FGF12: variants seen among roughly 807,000 people sequenced by gnomAD.
FGF12 encodes fibroblast growth factor 12B.
FGF12 carries 14 observed loss-of-function variants against 23.6 expected under a neutral mutation model. The ratio of observed to expected loss-of-function variants is 0.59; its 90% CI spans 0.39 to 0.93. The LOEUF is 0.93. Ranked by LOEUF, FGF12 falls within the 40% of genes least tolerant of loss-of-function variation. The probability of loss-of-function intolerance (pLI) is 0.00; values close to 1 mark genes in which losing one functional copy is unlikely to be tolerated. For synonymous variants in FGF12, 62 were observed against 77.3 expected, an observed-to-expected ratio of 0.80 and a Z score of 1.04; for missense variants, 175 against 217.8, an observed-to-expected ratio of 0.80 and a Z score of 1.24.
intron 4 of FGF12, among the ~76,000 whole-genome samples, chr3:192,190,251 T>C (rs1051974738): frequency 1.3e-5 from 2 of 152,142 alleles, no homozygotes; most frequent in African/African-American, 4.8e-5. Flanking sequence ...AAACACCTTT[T>C]ATAAATTGCA....
chr3:192,720,524 G>A (rs746993006), intron 2 of FGF12, among the ~76,000 whole-genome samples: 13 of 152,258 alleles, frequency 8.5e-5, no homozygotes, highest in East Asian at 5.8e-4. Flanking sequence ...AAATCCTACC[G>A]TGCTCTGCAT....
intron 2 of FGF12, among the ~76,000 whole-genome samples, chr3:192,403,007 A>C (rs914429550): frequency 3.3e-5 from 5 of 152,202 alleles, no homozygotes; most frequent in African/African-American, 1.2e-4. Context: ...CATACAATCT[A>C]TAATAATTCT....
intron 2 of FGF12, among the ~76,000 whole-genome samples, chr3:192,610,036 T>C (rs1268554684): frequency 6.6e-6 from 1 of 152,070 alleles, no homozygotes; most frequent in African/African-American, 2.4e-5. Context: ...TTTAAATACA[T>C]CCATGATCAT....
At chr3:192,405,352 G>A (rs1303116614) in intron 2 of FGF12, among the ~76,000 whole-genome samples, 3 of 151,178 alleles carry the variant, frequency 2.0e-5, no homozygotes, top group Admixed American at 2.0e-4. Flanking sequence ...AAAAGAGAAG[G>A]AGAGATACTC....
In FGF12 at chr3:192,160,391, G is replaced by A. The variant is rs183811886; in HGVS notation, c.427+10067C>T. Among the ~76,000 whole-genome samples, 27 of 152,076 alleles carry A rather than the reference G, an allele frequency of 1.8e-4. No individual in the cohort carries two copies. The East Asian group carries it at 4.4e-3, about 25-fold the overall frequency. ...TTCTTGCTCATTATTAGGCATCCTCGGAGTCTATAAAAGCCTTTGGAATCT... is the reference window on the plus strand; with the variant it reads ...TTCTTGCTCATTATTAGGCATCCTCAGAGTCTATAAAAGCCTTTGGAATCT... On this transcript the variant is annotated intron_variant, in intron 5 of 5. Transcript: ENST00000445105.
chr3:192,432,282 A>T (rs975933615), intron 2 of FGF12, among the ~76,000 whole-genome samples: 1 of 152,320 alleles, frequency 6.6e-6, no homozygotes. Context: ...ACCAAATACA[A>T]TCTTGTTCAA....
At chr3:192,365,504 C>G (rs1440438535) in intron 2 of FGF12, among the ~76,000 whole-genome samples, 1 of 151,870 alleles carries the variant, frequency 6.6e-6, no homozygotes, top group South Asian at 2.1e-4. Context: ...TTAATGTAAG[C>G]TGTTACTATG....
intron 4 of FGF12, among the ~76,000 whole-genome samples, chr3:192,203,845 C>T (rs757708570): frequency 2.6e-5 from 4 of 152,038 alleles, no homozygotes; most frequent in Non-Finnish European, 5.9e-5. Context: ...CTTAAAAAAT[C>T]CTCCTGCTTT....
chr3:192,403,290 GT>G (rs1466464082), intron 2 of FGF12, among the ~76,000 whole-genome samples: 2 of 151,946 alleles, frequency 1.3e-5, no homozygotes, highest in Admixed American at 6.5e-5. Context: ...CCTATAAATT[GT>G]TTTTCTACTT....
chr3:192,240,748 C>T (rs1218230578), intron 4 of FGF12, among the ~76,000 whole-genome samples: 1 of 152,108 alleles, frequency 6.6e-6, no homozygotes, highest in Non-Finnish European at 1.5e-5. Flanking sequence ...TATCTCCCCC[C>T]AATTTCTCAG....
intron 2 of FGF12, among the ~76,000 whole-genome samples, chr3:192,449,084 C>T (rs780985262): frequency 2.6e-5 from 4 of 152,186 alleles, no homozygotes; most frequent in Admixed American, 2.6e-4. Flanking sequence ...CCGATACCTG[C>T]GGGGATCTGT....
At chr3:192,327,591 C>T (rs1473717225) in intron 4 of FGF12, among the ~76,000 whole-genome samples, 1 of 150,828 alleles carries the variant, frequency 6.6e-6, no homozygotes, top group Non-Finnish European at 1.5e-5. Context: ...ACATTATAAC[C>T]AATATTAACC....
In FGF12 at chr3:192,367,820, T is replaced by A. The variant is rs577810780; in HGVS notation, c.14-7282A>T. 2.6e-5 allele frequency among the ~76,000 whole-genome samples: 4 copies of A among 152,264 alleles called. No individual in the cohort carries two copies. The South Asian group carries it at 8.3e-4, about 32-fold the overall frequency. ...CTGCTCTGTGGAGTAAAGTGAGTCATGTCCTGTCCCTCATCTTCGATCTCC... is the reference window on the plus strand; with the variant it reads ...CTGCTCTGTGGAGTAAAGTGAGTCAAGTCCTGTCCCTCATCTTCGATCTCC... On this transcript the variant is annotated intron_variant, in intron 2 of 5. Transcript: ENST00000445105.
intron 2 of FGF12, among the ~76,000 whole-genome samples, chr3:192,696,169 A>T (rs960167): frequency 0.53 from 72,808 of 137,968 alleles, 18,098 homozygotes; most frequent in East Asian, 0.82. Context: ...TTTTTTTTTT[A>T]ATCATTTCCT....
intron 2 of FGF12, among the ~76,000 whole-genome samples, chr3:192,379,765 CCA>C (rs1460704388): frequency 6.6e-6 from 1 of 152,178 alleles, no homozygotes; most frequent in Non-Finnish European, 1.5e-5. Flanking sequence ...CAGGAGAAGT[CCA>C]CAGAAAGAAC....
chr3:192,317,883 G>C (rs555698207), intron 4 of FGF12, among the ~76,000 whole-genome samples: 1 of 152,060 alleles, frequency 6.6e-6, no homozygotes, highest in South Asian at 2.1e-4. Flanking sequence ...TTAGCACAGA[G>C]AGAGAGAGAG....
chr3:192,399,148 G>A (rs1720653406), intron 2 of FGF12, among the ~76,000 whole-genome samples: 1 of 151,968 alleles, frequency 6.6e-6, no homozygotes, highest in Non-Finnish European at 1.5e-5. Flanking sequence ...TGGTGCCTTG[G>A]ACAGAACGTT....
chr3:192,645,001 G>C (rs1221424864), intron 2 of FGF12, among the ~76,000 whole-genome samples: 1 of 152,132 alleles, frequency 6.6e-6, no homozygotes, highest in Non-Finnish European at 1.5e-5. Context: ...AGGGCTTTGT[G>C]GGTGAAGGAA....
intron 2 of FGF12, among the ~76,000 whole-genome samples, chr3:192,617,483 A>C (rs1041587232): frequency 1.3e-5 from 2 of 152,072 alleles, no homozygotes; most frequent in East Asian, 1.9e-4. Flanking sequence ...CTCCAACTTG[A>C]CCATTCTGGT....
Sources: allele counts gnomAD v4.1 joint callset (sites outside exome capture counted in the v4.1 genomes callset), GRCh38; gene constraint gnomAD v4.1.1; transcripts MANE v1.5; gene names NCBI Gene and HGNC (gene_info 2026-07-23, HGNC 2026-07-21).